Variants in KCNAB1 observed in about 807,000 individuals in gnomAD.
KCNAB1 encodes voltage-gated potassium channel subunit beta-1.
A neutral mutation model predicts 64.6 loss-of-function variants in KCNAB1; 35 were observed. That is an observed-to-expected ratio of 0.54 (90% CI 0.41 to 0.72). KCNAB1 has a LOEUF of 0.72. KCNAB1 is among the 30% of genes least tolerant of loss of function. The probability of loss-of-function intolerance (pLI) is 0.00; values close to 1 mark genes in which losing one functional copy is unlikely to be tolerated. For missense variants in KCNAB1, 401 were observed against 512.9 expected, an observed-to-expected ratio of 0.78 and a Z score of 2.11; for synonymous variants, 177 against 183.8, an observed-to-expected ratio of 0.96 and a Z score of 0.30.
rs562061047 is a variant in KCNAB1 at position 156,172,575 on chromosome 3, C to T, written c.275+51689C>T. On this transcript the variant is annotated intron_variant, in intron 1 of 13. Transcript: ENST00000490337. ...GATTACAGGCGCGAGCCACCACATGCGGCTATCAAACGGCATTTTAAAAAA... is the reference window on the plus strand; with the variant it reads ...GATTACAGGCGCGAGCCACCACATGTGGCTATCAAACGGCATTTTAAAAAA... 4.6e-5 allele frequency among the ~76,000 whole-genome samples: 7 copies of T among 152,222 alleles called. No homozygotes were observed. The East Asian group carries it at 9.6e-4, about 21-fold the overall frequency.
chr3:156,278,002 C>T (rs1359276286), intron 1 of KCNAB1, among the ~76,000 whole-genome samples: 2 of 152,210 alleles, frequency 1.3e-5, no homozygotes, highest in South Asian at 2.1e-4. Context: ...AAGCTGAGGG[C>T]GTCTCCTACA....
chr3:156,522,706 G>GA (rs1007055768), intron 11 of KCNAB1, among the ~76,000 whole-genome samples: 2 of 152,124 alleles, frequency 1.3e-5, no homozygotes, highest in Non-Finnish European at 2.9e-5. Flanking sequence ...TTAGAATAAT[G>GA]AAAAAATGCT....
chr3:156,158,170 A>AT (rs1486208573), intron 1 of KCNAB1, among the ~76,000 whole-genome samples: 1 of 83,126 alleles, frequency 1.2e-5, no homozygotes. Context: ...GTCTCAAAAA[A>AT]AAAAATAAAA....
chr3:156,240,244 C>T (rs1717083685), intron 1 of KCNAB1, among the ~76,000 whole-genome samples: 1 of 152,120 alleles, frequency 6.6e-6, no homozygotes, highest in Non-Finnish European at 1.5e-5. Flanking sequence ...AGCGATATGG[C>T]CTCCTTTGTC....
At position 156,193,549 on chromosome 3, in the gene KCNAB1, C is replaced by A. The variant is rs115744991; in HGVS notation, c.275+72663C>A. Among the ~76,000 whole-genome samples, 648 of 152,234 alleles carry A rather than the reference C, an allele frequency of 4.3e-3. 11 individuals carry two copies. Among genetic ancestry groups the A allele is most frequent in the African/African-American group, 0.015 (626 of 41,536 alleles). The stretch of plus-strand genomic sequence containing the variant: ...AAAGAGGTTTAATGAGCTCACAGTT[C>A]TACATGGTTGGGGAGGCCTCAGGAA... On this transcript the variant is annotated intron_variant, in intron 1 of 13. Coordinates refer to ENST00000490337, the MANE Select transcript of KCNAB1 (RefSeq NM_172160.3).
At chr3:156,119,255 A>G (rs1560095099), upstream of KCNAB1, among the ~76,000 whole-genome samples, 1 of 152,198 alleles carries the variant, frequency 6.6e-6, no homozygotes, top group Non-Finnish European at 1.5e-5. Context: ...AAAGGAAGCA[A>G]GATAATCCAA....
At chr3:156,504,612 G>T (rs956106077) in intron 8 of KCNAB1, among the ~76,000 whole-genome samples, 1 of 151,620 alleles carries the variant, frequency 6.6e-6, no homozygotes, top group African/African-American at 2.4e-5. Context: ...TGGGTAAGAT[G>T]GTATCTTATG....
chr3:156,149,328 G>A (rs1351811780), intron 1 of KCNAB1, among the ~76,000 whole-genome samples: 3 of 152,096 alleles, frequency 2.0e-5, no homozygotes, highest in Non-Finnish European at 4.4e-5. Context: ...CAACAGAAAA[G>A]CTCGAGTATC....
chr3:156,177,285 C>A (rs779106585), intron 1 of KCNAB1, among the ~76,000 whole-genome samples: 12 of 152,216 alleles, frequency 7.9e-5, no homozygotes, highest in Non-Finnish European at 1.5e-4. Context: ...CTCAGTCACA[C>A]ATGGCCAATC....
chr3:156,368,186 A>G (rs1233016039), intron 1 of KCNAB1, among the ~76,000 whole-genome samples: 4 of 152,210 alleles, frequency 2.6e-5, no homozygotes, highest in Non-Finnish European at 5.9e-5. Flanking sequence ...GGGCATACTT[A>G]TATTAAAAAA....
intron 12 of KCNAB1, chr3:156,524,241 T>A (rs1426149983): frequency 3.2e-5 from 7 of 216,482 alleles, no homozygotes; most frequent in African/African-American, 4.6e-5. Context: ...TGTAGTGACA[T>A]CCATTTCTTC....
At chr3:156,472,263 C>T (rs1261727341) in intron 7 of KCNAB1, among the ~76,000 whole-genome samples, 2 of 152,210 alleles carry the variant, frequency 1.3e-5, no homozygotes, top group Non-Finnish European at 2.9e-5. Flanking sequence ...CAACCTGTCC[C>T]AAATGTGTAC....
intron 1 of KCNAB1, among the ~76,000 whole-genome samples, chr3:156,203,148 A>T (rs560358006): frequency 6.6e-6 from 1 of 152,302 alleles, no homozygotes; most frequent in East Asian, 1.9e-4. Context: ...TGCTTTTACA[A>T]ATAAAATTTC....
intron 1 of KCNAB1, among the ~76,000 whole-genome samples, chr3:156,344,087 T>A (rs1724319974): frequency 1.3e-5 from 2 of 152,162 alleles, no homozygotes; most frequent in African/African-American, 4.8e-5. Context: ...TTTCAGCTCT[T>A]CAATGGAGCC....
At chr3:156,510,139 T>C (rs1717104525) in intron 8 of KCNAB1, among the ~76,000 whole-genome samples, 1 of 152,186 alleles carries the variant, frequency 6.6e-6, no homozygotes, top group African/African-American at 2.4e-5. Flanking sequence ...CCACCAAGCT[T>C]TTCTCTTCAG....
At chr3:156,266,190 C>G (rs1718691825) in intron 1 of KCNAB1, among the ~76,000 whole-genome samples, 1 of 151,290 alleles carries the variant, frequency 6.6e-6, no homozygotes, top group African/African-American at 2.4e-5. Context: ...CATTCCTACC[C>G]CTCTGCCAAT....
intron 1 of KCNAB1, among the ~76,000 whole-genome samples, chr3:156,197,878 G>A (rs1387125765): frequency 2.0e-5 from 3 of 152,132 alleles, no homozygotes; most frequent in African/African-American, 4.8e-5. Flanking sequence ...TAATTGCGAT[G>A]TTAGGGTGTT....
intron 5 of KCNAB1, among the ~76,000 whole-genome samples, chr3:156,461,180 G>T (rs1294369367): frequency 6.6e-6 from 1 of 152,180 alleles, no homozygotes; most frequent in Non-Finnish European, 1.5e-5. Flanking sequence ...CGCTATGGTT[G>T]CTGCAACAAA....
At chr3:156,524,042 T>A in intron 12 of KCNAB1, 95 bp downstream of exon 12, 1 of 1,179,532 alleles carries the variant, frequency 8.5e-7, no homozygotes, top group Non-Finnish European at 1.2e-6. Flanking sequence ...ATAAAATGTC[T>A]ATTGCAGGGA....
Sources: gnomAD v4.1 joint callset for allele counts (sites outside exome capture counted in the v4.1 genomes callset) on GRCh38, gnomAD v4.1.1 for gene constraint, MANE v1.5 for transcripts, NCBI Gene and HGNC (gene_info 2026-07-23, HGNC 2026-07-21) for gene names.